SLC38A7: variants seen among roughly 807,000 people sequenced by gnomAD.
The protein encoded by SLC38A7 is solute carrier family 38 member 7, also known as sodium-coupled neutral amino acid transporter 7.
SLC38A7 carries 29 observed loss-of-function variants against 50.1 expected under a neutral mutation model. The observed-to-expected ratio is 0.58, with a 90% confidence interval of 0.43 to 0.79. SLC38A7 has a LOEUF of 0.79. SLC38A7 is among the 30% of genes least tolerant of loss of function. The probability of loss-of-function intolerance (pLI) is 0.00; values close to 1 mark genes in which losing one functional copy is unlikely to be tolerated. For synonymous variants in SLC38A7, 244 were observed against 245.9 expected (o/e 0.99, Z 0.07); for missense variants, 483 against 610.6 (o/e 0.79, Z 2.20).
chr16:58,676,101 C>A, intron 7 of SLC38A7, 47 bp from the exon 8 acceptor site: 1 of 1,591,640 alleles, frequency 6.3e-7, no homozygotes, highest in African/African-American at 1.3e-5. Context: ...GACCTCAACC[C>A]CAGTTTCCAG....
rs1484625705 is a variant in SLC38A7 at position 58,667,149 on chromosome 16, T to C, written c.*236A>G. 1 of 521,748 alleles carries C rather than the reference T, an allele frequency of 1.9e-6. No homozygotes were observed. The highest frequency in any genetic ancestry group is 3.4e-6 in the Non-Finnish European group (1 of 293,998). 32.3% of individuals were successfully genotyped at this position (521,748 alleles called of 1,614,324 possible). A position where few individuals can be genotyped will look rare whatever the true frequency, so the allele number is the denominator to read the frequency against. The stretch of plus-strand genomic sequence containing the variant: ...CTGGGAGAGGAGGAGGGGTCCTCTA[T>C]GATGTGAGACTTCCTGCCGCCATCC... On this transcript the variant is annotated 3_prime_UTR_variant, in exon 12 of 12. Coordinates refer to ENST00000219320, the MANE Select transcript of SLC38A7 (RefSeq NM_018231.3).
intron 5 of SLC38A7, chr16:58,677,660 T>C (rs913273338): frequency 1.9e-6 from 1 of 521,300 alleles, no homozygotes; most frequent in Non-Finnish European, 3.5e-6. Flanking sequence ...CATCAGGAAG[T>C]GCTGGTTCAG....
At position 58,680,196 on chromosome 16, in the gene SLC38A7, G is replaced by A; in HGVS notation, c.-70C>T. 7 of 1,471,444 alleles carry A rather than the reference G, an allele frequency of 4.8e-6. No individual in the cohort carries two copies. Among genetic ancestry groups the A allele is most frequent in the South Asian group, 1.5e-5 (1 of 67,372 alleles). 91.1% of individuals were successfully genotyped at this position (1,471,444 alleles called of 1,614,324 possible). On this transcript the variant is annotated 5_prime_UTR_variant, in exon 3 of 12. Coordinates refer to ENST00000219320, the MANE Select transcript of SLC38A7 (RefSeq NM_018231.3). ...ACAACCACATGCCTCAGGGAGCTGA[G>A]CAACACCCACCTGTTTGGGGCTGTT... is the stretch of plus-strand genomic sequence containing the variant.
Position 58,679,848 on chromosome 16 carries a change from T to G in SLC38A7, c.270+9A>C. The G allele has an allele frequency of 1.2e-6, 2 of 1,613,486 alleles. No homozygotes were observed. The highest frequency in any genetic ancestry group is 1.6e-4 in the Middle Eastern group (1 of 6,062). Reference sequence around the variant, plus strand: ...ACTGCACCTCTGCCCTCCCGGCCAGTGCACTCACCATCTGCAGTGCGATGC... The same window carrying G: ...ACTGCACCTCTGCCCTCCCGGCCAGGGCACTCACCATCTGCAGTGCGATGC... On this transcript the variant is annotated intron_variant, in intron 3 of 11. Coordinates refer to ENST00000219320, the MANE Select transcript of SLC38A7 (RefSeq NM_018231.3).
At chr16:58,669,434 C>T (rs1169842207) in intron 11 of SLC38A7, among the ~76,000 whole-genome samples, 1 of 151,818 alleles carries the variant, frequency 6.6e-6, no homozygotes, top group Non-Finnish European at 1.5e-5. Flanking sequence ...TTTCATAAAA[C>T]AAAACAAGAG....
chr16:58,673,986 G>A (rs906795201), intron 8 of SLC38A7, among the ~76,000 whole-genome samples: 9 of 151,820 alleles, frequency 5.9e-5, no homozygotes, highest in African/African-American at 1.2e-4. Flanking sequence ...CACCACGCCC[G>A]GCTAATTTTT....
At chr16:58,671,977 T>C in intron 9 of SLC38A7, 119 bp downstream of exon 9, 1 of 1,265,334 alleles carries the variant, frequency 7.9e-7, no homozygotes, top group Non-Finnish European at 1.1e-6. Context: ...AGGCACCGAC[T>C]CTTTTCTACA....
chr16:58,679,016 T>G, intron 3 of SLC38A7, 122 bp from the exon 4 acceptor site: 1 of 958,004 alleles, frequency 1.0e-6, no homozygotes, highest in Non-Finnish European at 1.6e-6. Flanking sequence ...ACAAAGGCAA[T>G]TTTAAGAGAC....
At position 58,676,041 on chromosome 16, in the gene SLC38A7, C is replaced by T. The variant is rs1331310562; in HGVS notation, c.782G>A (p.Ser261Asn). Reference sequence around the variant, plus strand: ...CTGCATGCTGTTGAAGACGGGCACACTGCTGACGTGGCACTGTCCAGGTGA... The same window carrying T: ...CTGCATGCTGTTGAAGACGGGCACATTGCTGACGTGGCACTGTCCAGGTGA... Reference protein sequence around the residue: ...ICFGFQCHVSSVPVFNSMQQP... With the variant: ...ICFGFQCHVSNVPVFNSMQQP... Residue 261 changes from serine (S) to asparagine (N), a missense_variant, in exon 8 of 12, where the codon AGT becomes AAT. Coordinates refer to ENST00000219320, the MANE Select transcript of SLC38A7 (RefSeq NM_018231.3). 22 of 1,613,160 alleles carry T rather than the reference C, an allele frequency of 1.4e-5. No homozygotes were observed. The highest frequency in any genetic ancestry group is 1.5e-5 in the Non-Finnish European group (18 of 1,179,692).
chr16:58,679,841 C>A lies in SLC38A7; in HGVS notation c.270+16G>T. ...CAACTGAACTGCACCTCTGCCCTCC[C>A]GGCCAGTGCACTCACCATCTGCAGT... On this transcript the variant is annotated intron_variant, in intron 3 of 11. Transcript: ENST00000219320. 1 of 1,613,030 alleles carries A rather than the reference C, an allele frequency of 6.2e-7. No individual in the cohort carries two copies. Among genetic ancestry groups the A allele is most frequent in the South Asian group, 1.1e-5 (1 of 91,074 alleles).
intron 8 of SLC38A7, among the ~76,000 whole-genome samples, chr16:58,673,633 G>C (rs994158681): frequency 6.6e-6 from 1 of 151,130 alleles, no homozygotes; most frequent in South Asian, 2.1e-4. Flanking sequence ...CAAAGTGCTG[G>C]GATCACAGGC....
intron 2 of SLC38A7, among the ~76,000 whole-genome samples, chr16:58,682,229 C>G (rs2152085247): frequency 1.3e-5 from 2 of 152,176 alleles, no homozygotes; most frequent in South Asian, 4.1e-4. Context: ...CACAGAGGCC[C>G]TGGGATAGCT....
chr16:58,670,055 A>G, intron 11 of SLC38A7, 58 bp downstream of exon 11: 1 of 1,540,432 alleles, frequency 6.5e-7, no homozygotes, highest in Non-Finnish European at 8.9e-7. Flanking sequence ...GGCCCCCACA[A>G]AGCCACATTC....
At chr16:58,681,974 T>C (rs1477082686) in intron 2 of SLC38A7, 1 of 152,100 alleles carries the variant, frequency 6.6e-6, no homozygotes, top group Non-Finnish European at 1.5e-5. Flanking sequence ...CTGGCCAACA[T>C]GGTGAAACCC....
At position 58,679,954 on chromosome 16, in the gene SLC38A7, A is replaced by T. The variant is rs1375545627; in HGVS notation, c.173T>A (p.Phe58Tyr). 6.2e-7 allele frequency: 1 copy of T among 1,611,866 alleles called. No individual in the cohort carries two copies. Among genetic ancestry groups the T allele is most frequent in the Non-Finnish European group, 8.5e-7 (1 of 1,178,670 alleles). Reference protein sequence around the residue: ...RGTTSTLGAIFIVVNACLGAG... With the variant: ...RGTTSTLGAIYIVVNACLGAG... Reference sequence around the variant, plus strand: ...ACCCAGGCACGCGTTGACGACGATGAAGATGGCCCCAAGTGTGGAAGTGGT... The same window carrying T: ...ACCCAGGCACGCGTTGACGACGATGTAGATGGCCCCAAGTGTGGAAGTGGT... The change falls in exon 3 of 12, where the codon TTC (phenylalanine) becomes TAC (tyrosine). Residue 58 changes from phenylalanine (F) to tyrosine (Y), a missense_variant. Phe to Tyr is a conservative substitution (Grantham distance 22). Transcript: ENST00000219320.
In SLC38A7 at chr16:58,680,207, CTGTT is replaced by C. The variant is rs1403628778; in HGVS notation, c.-85_-82del. 2.1e-5 allele frequency: 30 copies of C among 1,431,642 alleles called. No homozygotes were observed. Among genetic ancestry groups the C allele is most frequent in the Non-Finnish European group, 2.8e-5 (30 of 1,087,814 alleles). The allele number at this position is 1,431,642 out of a possible 1,614,324, so 88.7% of individuals were successfully genotyped here. Reference sequence around the variant, plus strand: ...CCTCAGGGAGCTGAGCAACACCCACCTGTTTGGGGCTGTTAGCTTAGGACTCTTC... The same window carrying C: ...CCTCAGGGAGCTGAGCAACACCCACCTGGGGCTGTTAGCTTAGGACTCTTC... On this transcript the variant is annotated 5_prime_UTR_variant, in exon 3 of 12. Transcript: ENST00000219320.
intron 8 of SLC38A7, among the ~76,000 whole-genome samples, chr16:58,673,552 T>C (rs1257521686): frequency 6.6e-6 from 1 of 151,578 alleles, no homozygotes; most frequent in African/African-American, 2.4e-5. Context: ...TTTAGTAAGA[T>C]GGGGTTTCGC....
At chr16:58,667,689 A>G (rs1315775238) in intron 11 of SLC38A7, among the ~76,000 whole-genome samples, 1 of 152,162 alleles carries the variant, frequency 6.6e-6, no homozygotes, top group Non-Finnish European at 1.5e-5. Flanking sequence ...ACCAAGATCT[A>G]ATGGGAGTAA....
At chr16:58,668,713 C>CA (rs71155292) in intron 11 of SLC38A7, among the ~76,000 whole-genome samples, 11,543 of 33,354 alleles carry the variant, frequency 0.35, 1,849 homozygotes, top group African/African-American at 0.43. Flanking sequence ...AACTCCATCT[C>CA]AAAAAAAAAA....
Sources: gnomAD v4.1 joint callset for allele counts (sites outside exome capture counted in the v4.1 genomes callset) on GRCh38, gnomAD v4.1.1 for gene constraint, MANE v1.5 for transcripts, NCBI Gene and HGNC (gene_info 2026-07-23, HGNC 2026-07-21) for gene names.